The following DCAKD variants were observed in gnomAD, a reference collection of about 807,000 sequenced individuals.
DCAKD encodes dephospho-CoA kinase domain-containing protein.
A neutral mutation model predicts 18.7 loss-of-function variants in DCAKD; 15 were observed. The ratio of observed to expected loss-of-function variants is 0.80; its 90% confidence interval spans 0.54 to 1.24. DCAKD has a LOEUF of 1.24. Among genes scored for constraint, DCAKD ranks in the 50% most tolerant of loss-of-function variants. DCAKD has a pLI of 0.00. For missense variants in DCAKD, 301 were observed against 322.0 expected (o/e 0.93, Z 0.50); for synonymous variants, 130 against 133.0 (o/e 0.98, Z 0.16).
At chr17:45,030,911 C>G in intron 3 of DCAKD, 1 of 942,136 alleles carries the variant, frequency 1.1e-6, no homozygotes, top group Middle Eastern at 5.4e-4. Flanking sequence ...CCACCACAAG[C>G]CAAGGCCAGT....
chr17:45,058,261 G>T (rs1049940199), intron 1 of DCAKD, among the ~76,000 whole-genome samples: 74 of 152,260 alleles, frequency 4.9e-4, no homozygotes, highest in Middle Eastern at 3.4e-3. Flanking sequence ...GTTGCAGCAA[G>T]CCGAGATTGC....
chr17:45,024,537 G>A lies in DCAKD; in HGVS notation c.592C>T (p.Arg198Cys), dbSNP rs767783860. 31 of 1,614,008 alleles carry A rather than the reference G, an allele frequency of 1.9e-5. No homozygotes were observed. In the East Asian group the frequency reaches 2.2e-4, roughly 12 times the overall value. Reference protein sequence around the residue: ...QVILLHTELERSLEYLPLRFG... With the variant: ...QVILLHTELECSLEYLPLRFG... ...CTCAGCGGCAGGTACTCCAGGGAGC[G>A]CTCCAGCTCAGTGTGCAAGAGGATG... Residue 198 changes from arginine to cysteine, a missense_variant, in exon 5 of 5, where the codon CGC becomes TGC. By Grantham distance (180) the Arg-to-Cys change is radical. Transcript: ENST00000651974.
chr17:45,052,337 C>T (rs908651648), upstream of DCAKD, among the ~76,000 whole-genome samples: 1 of 152,168 alleles, frequency 6.6e-6, no homozygotes, highest in Non-Finnish European at 1.5e-5. Context: ...CCTGCCAGGT[C>T]CTAAGAGCAC....
At chr17:45,025,029 T>TTGC (rs34668272) in intron 4 of DCAKD, among the ~76,000 whole-genome samples, 1 of 137,862 alleles carries the variant, frequency 7.3e-6, no homozygotes, top group Admixed American at 7.0e-5. Flanking sequence ...TTTTTTTTTT[T>TTGC]GCCATCTGGG....
Position 45,024,419 on chromosome 17 carries a change from C to T in DCAKD, c.*14G>A, listed in dbSNP as rs1256515374. On this transcript the variant is annotated 3_prime_UTR_variant, in exon 5 of 5. Coordinates refer to ENST00000651974, the MANE Select transcript of DCAKD (RefSeq NM_001288655.2). ...ATAGATGGAGGCCTGGGGCTCCCTG[C>T]CTTGAGTGCCCCACTAGGCGTAAGG... is the stretch of plus-strand genomic sequence containing the variant. 3.8e-6 allele frequency: 6 copies of T among 1,585,590 alleles called. No individual in the cohort carries two copies. The highest frequency in any genetic ancestry group is 5.2e-6 in the Non-Finnish European group (6 of 1,159,172).
intron 1 of DCAKD, among the ~76,000 whole-genome samples, chr17:45,057,606 G>C (rs1355552382): frequency 2.0e-5 from 3 of 151,522 alleles, no homozygotes; most frequent in Non-Finnish European, 2.9e-5. Flanking sequence ...GGGAGGTTGA[G>C]GCAGGAGAAC....
At chr17:45,047,225 T>TC (rs1297421710) in intron 1 of DCAKD, among the ~76,000 whole-genome samples, 2 of 151,668 alleles carry the variant, frequency 1.3e-5, no homozygotes, top group African/African-American at 4.8e-5. Context: ...AGCACTCTGC[T>TC]CACTCTAGTA....
Position 45,030,144 on chromosome 17 carries a change from A to G in DCAKD, c.352T>C (p.Phe118Leu). 3.1e-6 allele frequency: 5 copies of G among 1,614,156 alleles called. No individual in the cohort carries two copies. The highest frequency in any genetic ancestry group is 3.4e-6 in the Non-Finnish European group (4 of 1,180,018). Residue 118 changes from phenylalanine (F) to leucine (L), a missense_variant, in exon 4 of 5, where the codon TTT (phenylalanine) becomes CTT (leucine). Transcript: ENST00000651974. ...RYVILDIPLL[F>L]ETKKLLKYMK... Reference sequence around the variant, plus strand: ...TACTTGAGCAACTTCTTGGTCTCAAACAGCAGGGGGATATCCAGAATCACG... The same window carrying G: ...TACTTGAGCAACTTCTTGGTCTCAAGCAGCAGGGGGATATCCAGAATCACG...
chr17:45,046,520 G>A (rs1280441823), intron 1 of DCAKD, among the ~76,000 whole-genome samples: 6 of 146,166 alleles, frequency 4.1e-5, no homozygotes, highest in Non-Finnish European at 8.9e-5. Flanking sequence ...GGAGGCTGAG[G>A]AAGAAGAATC....
intron 2 of DCAKD, 119 bp from the exon 3 acceptor site, chr17:45,034,509 G>T: frequency 8.6e-7 from 1 of 1,157,260 alleles, no homozygotes; most frequent in Non-Finnish European, 1.2e-6. Flanking sequence ...TGGAGCAAAA[G>T]CAAAATGAGG....
chr17:45,058,962 C>T (rs1025327462), intron 1 of DCAKD, among the ~76,000 whole-genome samples: 2 of 151,920 alleles, frequency 1.3e-5, no homozygotes, highest in African/African-American at 2.4e-5. Context: ...TTGAGTTGGC[C>T]GGGCGCGGTG....
chr17:45,058,008 CAAAAA>C (rs1183133616), intron 1 of DCAKD, among the ~76,000 whole-genome samples: 4 of 29,000 alleles, frequency 1.4e-4, no homozygotes, highest in East Asian at 1.7e-3. Context: ...GATTCCGTCT[CAAAAA>C]AAAAAAAAAA....
chr17:45,030,306 T>C, intron 3 of DCAKD, 127 bp from the exon 4 acceptor site: 1 of 771,218 alleles, frequency 1.3e-6, no homozygotes, highest in Non-Finnish European at 2.3e-6. Context: ...ACACATACCC[T>C]GCACACTGGC....
In DCAKD at chr17:45,034,965, A is replaced by C; in HGVS notation, c.-80T>G. On this transcript the variant is annotated 5_prime_UTR_variant, in exon 2 of 5. Coordinates refer to ENST00000651974, the MANE Select transcript of DCAKD (RefSeq NM_001288655.2). ...CTGGAGAGCAGGGCAAGTGTGGCCG[A>C]TGGGGGCGGTCCACCAGAGGAGTGC... 1 of 1,471,674 alleles carries C rather than the reference A, an allele frequency of 6.8e-7. No homozygotes were observed. The highest frequency in any genetic ancestry group is 9.4e-7 in the Non-Finnish European group (1 of 1,066,710). The allele number at this position is 1,471,674 out of a possible 1,614,324, so 91.2% of individuals were successfully genotyped here. A position where few individuals can be genotyped will look rare whatever the true frequency, so the allele number is the denominator to read the frequency against.
chr17:45,027,580 C>A (rs1007583181), intron 4 of DCAKD, among the ~76,000 whole-genome samples: 2 of 152,212 alleles, frequency 1.3e-5, no homozygotes, highest in Non-Finnish European at 1.5e-5. Context: ...GCTCCTCTGG[C>A]CGGTGAGTGG....
At chr17:45,045,780 C>T (rs2053553238) in intron 1 of DCAKD, among the ~76,000 whole-genome samples, 1 of 151,358 alleles carries the variant, frequency 6.6e-6, no homozygotes, top group Non-Finnish European at 1.5e-5. Flanking sequence ...ATAAACCATG[C>T]AGCAAAATAT....
At chr17:45,050,819 A>T (rs1310019319) in intron 1 of DCAKD, among the ~76,000 whole-genome samples, 2 of 152,222 alleles carry the variant, frequency 1.3e-5, no homozygotes, top group Non-Finnish European at 2.9e-5. Flanking sequence ...AGAGTGAAAA[A>T]TCTTTGAAAA....
chr17:45,059,307 C>A (rs560931497), intron 1 of DCAKD, among the ~76,000 whole-genome samples: 1 of 152,228 alleles, frequency 6.6e-6, no homozygotes, highest in African/African-American at 2.4e-5. Context: ...TTTGTGTTTT[C>A]TTTCCCTGAG....
chr17:45,035,102 G>A (rs2053264998), intron 1 of DCAKD, 103 bp from the exon 2 acceptor site: 3 of 544,582 alleles, frequency 5.5e-6, no homozygotes, highest in African/African-American at 1.9e-5. Context: ...GGAGGGACAT[G>A]TCCTGAGCTT....
Sources: gnomAD v4.1 joint callset for allele counts (sites outside exome capture counted in the v4.1 genomes callset) on GRCh38, gnomAD v4.1.1 for gene constraint, MANE v1.5 for transcripts, NCBI Gene and HGNC (gene_info 2026-07-23, HGNC 2026-07-21) for gene names.